The following MED27 variants were observed in gnomAD, a reference collection of about 807,000 sequenced individuals.
The protein encoded by MED27 is mediator complex subunit 27.
MED27 carries 30 observed loss-of-function variants against 38.2 expected under a neutral mutation model. That is an observed-to-expected ratio of 0.79 (90% CI 0.59 to 1.07). The LOEUF (loss-of-function observed/expected upper bound fraction) is 1.07. Among genes scored for constraint, MED27 ranks in the 50% least tolerant of loss-of-function variants. The probability of loss-of-function intolerance (pLI) is 0.00; values close to 1 mark genes in which losing one functional copy is unlikely to be tolerated. For missense variants in MED27, 289 were observed against 397.5 expected (o/e 0.73, Z 2.32); for synonymous variants, 122 against 153.5 (o/e 0.79, Z 1.52).
intron 2 of MED27, among the ~76,000 whole-genome samples, chr9:132,064,112 A>G (rs1045086588): frequency 9.2e-5 from 14 of 152,250 alleles, no homozygotes; most frequent in Non-Finnish European, 1.5e-4. Flanking sequence ...AGTTTGAATC[A>G]ATGCATTCAA....
chr9:131,971,705 T>C (rs1831481705), intron 3 of MED27, among the ~76,000 whole-genome samples: 1 of 151,968 alleles, frequency 6.6e-6, no homozygotes. Flanking sequence ...TGGGCTAGAC[T>C]GGGAGTGGGG....
intron 3 of MED27, among the ~76,000 whole-genome samples, chr9:131,983,590 T>C (rs1045786286): frequency 1.3e-5 from 2 of 152,230 alleles, no homozygotes; most frequent in African/African-American, 4.8e-5. Flanking sequence ...TGAATATTTT[T>C]AGCATCTAAA....
intron 4 of MED27, among the ~76,000 whole-genome samples, chr9:131,918,969 G>A (rs1031842166): frequency 6.6e-6 from 1 of 152,142 alleles, no homozygotes; most frequent in Non-Finnish European, 1.5e-5. Flanking sequence ...CTCAGAAGAA[G>A]GCACAGAAGG....
chr9:131,889,209 C>T lies in MED27; in HGVS notation c.681+4676G>A, dbSNP rs1466116391. On this transcript the variant is annotated intron_variant, in intron 5 of 7. Coordinates refer to ENST00000292035, the MANE Select transcript of MED27 (RefSeq NM_004269.4). This position sits in a 1 kb window ranked among gnomAD's most constrained non-coding sequence, Gnocchi z 4.2. The stretch of plus-strand genomic sequence containing the variant: ...TTTGAAGTGGGAAGAATGCAGGGAT[C>T]AGAAATTACCCTGGAGACAGCTCTG... Among the ~76,000 whole-genome samples the T allele has an allele frequency of 1.3e-5, 2 of 152,248 alleles. No homozygotes were observed. The highest frequency in any genetic ancestry group is 4.8e-5 in the African/African-American group (2 of 41,472).
intron 2 of MED27, among the ~76,000 whole-genome samples, chr9:132,030,711 C>T (rs1832941018): frequency 6.6e-6 from 1 of 152,160 alleles, no homozygotes. Context: ...ATGCTATAGA[C>T]CTATGTGTAA....
At chr9:132,054,329 G>C (rs551628847) in intron 2 of MED27, among the ~76,000 whole-genome samples, 1 of 152,200 alleles carries the variant, frequency 6.6e-6, no homozygotes. Context: ...TCCGCCATAA[G>C]TAAGAGCTCC....
At chr9:131,911,414 G>A (rs1321499917) in intron 4 of MED27, among the ~76,000 whole-genome samples, 1 of 152,136 alleles carries the variant, frequency 6.6e-6, no homozygotes, top group Non-Finnish European at 1.5e-5. Flanking sequence ...GCTTTGCTTG[G>A]TTCCATGGTA....
At chr9:132,074,842 T>C (rs895623675) in intron 2 of MED27, among the ~76,000 whole-genome samples, 3 of 152,238 alleles carry the variant, frequency 2.0e-5, no homozygotes, top group African/African-American at 7.2e-5. Context: ...TAGGACATTA[T>C]CTGCTATAAC....
chr9:132,016,117 C>A (rs1233060558), intron 2 of MED27, among the ~76,000 whole-genome samples: 1 of 152,156 alleles, frequency 6.6e-6, no homozygotes, highest in Non-Finnish European at 1.5e-5. Flanking sequence ...AGGGGCTGGG[C>A]CTTGGATGCA....
intron 6 of MED27, among the ~76,000 whole-genome samples, chr9:131,875,738 T>C (rs2131468300): frequency 6.6e-6 from 1 of 152,326 alleles, no homozygotes; most frequent in South Asian, 2.1e-4. Flanking sequence ...CTCAGCCTCC[T>C]GAGTAGCTGG....
intron 3 of MED27, among the ~76,000 whole-genome samples, chr9:131,956,381 C>T (rs1831099657): frequency 6.6e-6 from 1 of 152,062 alleles, no homozygotes; most frequent in South Asian, 2.1e-4. Context: ...TTCGGGAGGC[C>T]GAGGCGGGCA....
chr9:132,007,280 G>C (rs1284685054), intron 3 of MED27, among the ~76,000 whole-genome samples: 2 of 151,994 alleles, frequency 1.3e-5, no homozygotes, highest in Non-Finnish European at 2.9e-5. Flanking sequence ...TCTCTCTCTT[G>C]AAAGTATTAC....
intron 3 of MED27, among the ~76,000 whole-genome samples, chr9:131,990,065 C>T (rs1408300204): frequency 6.6e-6 from 1 of 152,182 alleles, no homozygotes; most frequent in African/African-American, 2.4e-5. Flanking sequence ...CCCCCGCACA[C>T]AGAACCTGCC....
At chr9:132,078,966 C>A (rs779593317) in intron 1 of MED27, among the ~76,000 whole-genome samples, 1 of 152,188 alleles carries the variant, frequency 6.6e-6, no homozygotes, top group African/African-American at 2.4e-5. Context: ...AAAGTGGAAT[C>A]CTTAACCCTA....
intron 2 of MED27, among the ~76,000 whole-genome samples, chr9:132,043,093 T>C (rs906367210): frequency 6.6e-6 from 1 of 152,146 alleles, no homozygotes; most frequent in Non-Finnish European, 1.5e-5. Context: ...AGAAAAAATC[T>C]ATATAGTTAA....
At position 131,863,075 on chromosome 9, in the gene MED27, GACC is replaced by G; in HGVS notation, c.786_788del (p.Val263del). ...TGAAGCCACTTACCATGAAGGATCGGACCACGACATCCGGCATCTGGGGCAGCT... is the reference window on the plus strand; with the variant it reads ...TGAAGCCACTTACCATGAAGGATCGGACGACATCCGGCATCTGGGGCAGCT... On this transcript the variant is annotated inframe_deletion, in exon 7 of 8. Transcript: ENST00000292035. 1 of 1,614,126 alleles carries G rather than the reference GACC, an allele frequency of 6.2e-7. No individual in the cohort carries two copies. The highest frequency in any genetic ancestry group is 8.5e-7 in the Non-Finnish European group (1 of 1,180,012).
rs367690733 is a variant in MED27 at position 131,949,836 on chromosome 9, T to G, written c.480-10362A>C. Among the ~76,000 whole-genome samples, 102 of 152,318 alleles carry G rather than the reference T, an allele frequency of 6.7e-4. 1 individual carries two copies. In the South Asian group the frequency reaches 0.02, roughly 30 times the overall value. On this transcript the variant is annotated intron_variant, in intron 3 of 7. Coordinates refer to ENST00000292035, the MANE Select transcript of MED27 (RefSeq NM_004269.4). ...CTCCAGAGAAACAGGACAACCAGGT[T>G]AAACGTCCTGAAGTTCTCCTGCTGG...
At chr9:131,965,935 C>T (rs1308335597) in intron 3 of MED27, among the ~76,000 whole-genome samples, 2 of 151,160 alleles carry the variant, frequency 1.3e-5, no homozygotes, top group East Asian at 1.9e-4. Flanking sequence ...AAATATAACG[C>T]ACCATTGGAA....
intron 6 of MED27, among the ~76,000 whole-genome samples, chr9:131,875,203 A>ACAT (rs1318658086): frequency 2.0e-5 from 3 of 152,164 alleles, no homozygotes. Flanking sequence ...GATCCTGCCT[A>ACAT]CATCAGCATA....
Sources: gnomAD v4.1 joint callset for allele counts (sites outside exome capture counted in the v4.1 genomes callset) on GRCh38, gnomAD v4.1.1 for gene constraint, Gnocchi (gnomAD v3.1) non-coding constraint, MANE v1.5 for transcripts, NCBI Gene and HGNC (gene_info 2026-07-23, HGNC 2026-07-21) for gene names.